CHN2: variants seen among roughly 807,000 people sequenced by gnomAD.
CHN2 encodes the protein beta-chimaerin.
In CHN2, 35 loss-of-function variants were observed where a neutral mutation model predicts 56.3. That is an observed-to-expected ratio of 0.62 (90% CI 0.47 to 0.82). The LOEUF is 0.82. CHN2 is among the 40% of genes least tolerant of loss of function. The pLI is 0.00. For synonymous variants in CHN2, 210 were observed against 212.8 expected, an observed-to-expected ratio of 0.99 and a Z score of 0.12; for missense variants, 491 against 580.5, an observed-to-expected ratio of 0.85 and a Z score of 1.58.
chr7:29,166,620 T>C (rs1304303086), intron 2 of CHN2, among the ~76,000 whole-genome samples: 2 of 152,152 alleles, frequency 1.3e-5, no homozygotes, highest in African/African-American at 4.8e-5. Flanking sequence ...AATTTGTCCA[T>C]TTTATCTAAG....
intron 6 of CHN2, 59 bp from the exon 7 acceptor site, chr7:29,480,220 A>G: frequency 6.2e-7 from 1 of 1,614,076 alleles, no homozygotes. Context: ...TTCGGGGTGA[A>G]GGTGGGTGTC....
rs1791669191 is a variant in CHN2 at position 29,513,001 on chromosome 7, A to G, written c.*266A>G. 1 of 325,178 alleles carries G rather than the reference A, an allele frequency of 3.1e-6. No homozygotes were observed. The allele number at this position is 325,178 out of a possible 1,614,324, so 20.1% of individuals were successfully genotyped here. A position where few individuals can be genotyped will look rare whatever the true frequency, so the allele number is the denominator to read the frequency against. ...CTGGTTTGCTGGAAGAGTGATTAAT[A>G]CATCTTTAATTTATTAAAAAACAAT... On this transcript the variant is annotated 3_prime_UTR_variant, in exon 13 of 13. Coordinates refer to ENST00000222792, the MANE Select transcript of CHN2 (RefSeq NM_004067.4).
chr7:29,501,666 A>G (rs1044838896), intron 9 of CHN2, among the ~76,000 whole-genome samples: 6 of 152,182 alleles, frequency 3.9e-5, no homozygotes, highest in African/African-American at 1.4e-4. Flanking sequence ...TTAGAGCCCC[A>G]GACAGGTATT....
At chr7:29,374,765 A>G (rs1049867624) in intron 3 of CHN2, among the ~76,000 whole-genome samples, 1 of 150,436 alleles carries the variant, frequency 6.6e-6, no homozygotes, top group African/African-American at 2.4e-5. Flanking sequence ...TCCGGAGAAG[A>G]TTCTTCAATC....
intron 6 of CHN2, among the ~76,000 whole-genome samples, chr7:29,410,638 T>C (rs1228769786): frequency 6.6e-6 from 1 of 152,144 alleles, no homozygotes; most frequent in Non-Finnish European, 1.5e-5. Context: ...TACTTGACTT[T>C]TTTGATTTGT....
At chr7:29,487,385 A>G (rs1562650622) in intron 7 of CHN2, among the ~76,000 whole-genome samples, 1 of 152,208 alleles carries the variant, frequency 6.6e-6, no homozygotes, top group Non-Finnish European at 1.5e-5. Flanking sequence ...ATATGGCTTT[A>G]TTAAAAAAAT....
chr7:29,337,383 CCA>C (rs1303891172), intron 1 of CHN2, among the ~76,000 whole-genome samples: 1 of 152,092 alleles, frequency 6.6e-6, no homozygotes, highest in Non-Finnish European at 1.5e-5. Context: ...GACAAATGTC[CCA>C]CTGTGCAAAC....
At chr7:29,264,747 A>G (rs750635626) in intron 1 of CHN2, among the ~76,000 whole-genome samples, 5 of 151,346 alleles carry the variant, frequency 3.3e-5, no homozygotes, top group Non-Finnish European at 7.4e-5. Context: ...CCTTCCCTCC[A>G]CTATTGTCCT....
At position 29,477,897 on chromosome 7, in the gene CHN2, T is replaced by C. The variant is rs552147497; in HGVS notation, c.577-2382T>C. 2.0e-5 allele frequency among the ~76,000 whole-genome samples: 3 copies of C among 152,370 alleles called. No homozygotes were observed. The South Asian group carries it at 6.2e-4, about 32-fold the overall frequency. On this transcript the variant is annotated intron_variant, in intron 6 of 12. Transcript: ENST00000222792. ...TGTACATGTGCTTTCTAGCAACTTATATTTATTCAGTGTCTACTGTGGCAA... is the reference window on the plus strand; with the variant it reads ...TGTACATGTGCTTTCTAGCAACTTACATTTATTCAGTGTCTACTGTGGCAA...
At chr7:29,454,681 A>G (rs892652632) in intron 6 of CHN2, among the ~76,000 whole-genome samples, 30 of 152,276 alleles carry the variant, frequency 2.0e-4, no homozygotes, top group South Asian at 8.3e-4. Context: ...TTCTGCCCAA[A>G]AATGACACCT....
At chr7:29,508,785 A>C (rs1015884048) in intron 11 of CHN2, among the ~76,000 whole-genome samples, 1 of 152,194 alleles carries the variant, frequency 6.6e-6, no homozygotes, top group Non-Finnish European at 1.5e-5. Flanking sequence ...AAGTATGCCA[A>C]CGCCACGGTG....
chr7:29,286,332 G>A (rs1186374829), intron 1 of CHN2, among the ~76,000 whole-genome samples: 2 of 151,948 alleles, frequency 1.3e-5, no homozygotes, highest in Non-Finnish European at 2.9e-5. Context: ...TTTCAGAGGA[G>A]GAATCTTTTT....
At chr7:29,197,609 C>T (rs1276866564) in intron 1 of CHN2, among the ~76,000 whole-genome samples, 1 of 152,200 alleles carries the variant, frequency 6.6e-6, no homozygotes, top group Non-Finnish European at 1.5e-5. Context: ...ATGAATCCAA[C>T]ACACAATCCA....
chr7:29,341,712 C>T (rs1797065410), intron 1 of CHN2, among the ~76,000 whole-genome samples: 1 of 152,152 alleles, frequency 6.6e-6, no homozygotes, highest in South Asian at 2.1e-4. Context: ...TTCTAATTCT[C>T]TAGTGCTGTT....
intron 1 of CHN2, among the ~76,000 whole-genome samples, chr7:29,299,225 G>T (rs952322810): frequency 6.6e-6 from 1 of 152,120 alleles, no homozygotes; most frequent in African/African-American, 2.4e-5. Flanking sequence ...TTTCTCCGGG[G>T]ACCCCTTTCT....
At chr7:29,326,727 C>T (rs1298413361) in intron 1 of CHN2, among the ~76,000 whole-genome samples, 1 of 152,146 alleles carries the variant, frequency 6.6e-6, no homozygotes, top group Non-Finnish European at 1.5e-5. Context: ...CCCCATCTAG[C>T]TCAAAAATTA....
At chr7:29,449,732 G>C (rs2128129822) in intron 6 of CHN2, among the ~76,000 whole-genome samples, 1 of 152,302 alleles carries the variant, frequency 6.6e-6, no homozygotes, top group South Asian at 2.1e-4. Flanking sequence ...TAGTGGTTGG[G>C]CATTGATGAA....
chr7:29,353,262 A>G lies in CHN2; in HGVS notation c.50-1363A>G, dbSNP rs370779715. Among the ~76,000 whole-genome samples, 25 of 152,360 alleles carry G rather than the reference A, an allele frequency of 1.6e-4. 2 individuals are homozygous for G. The highest frequency in any genetic ancestry group is 6.0e-4 in the African/African-American group (25 of 41,584). The stretch of plus-strand genomic sequence containing the variant: ...TGCACAAGTGAGTATGATTTGGGGA[A>G]GAAAACCACCCTTGAGTTAGTTTTT... On this transcript the variant is annotated intron_variant, in intron 1 of 12. Transcript: ENST00000222792.
chr7:29,416,123 A>G (rs1034193170), intron 6 of CHN2, among the ~76,000 whole-genome samples: 1 of 152,150 alleles, frequency 6.6e-6, no homozygotes, highest in South Asian at 2.1e-4. Flanking sequence ...GCCCTCTGCC[A>G]TTTTCCTTAA....
Sources: gnomAD v4.1 joint callset for allele counts (sites outside exome capture counted in the v4.1 genomes callset) on GRCh38, gnomAD v4.1.1 for gene constraint, MANE v1.5 for transcripts, NCBI Gene and HGNC (gene_info 2026-07-23, HGNC 2026-07-21) for gene names.